Variants in PLA2R1 observed in about 807,000 individuals in gnomAD.
The protein encoded by PLA2R1 is secretory phospholipase A2 receptor.
PLA2R1 carries 158 observed loss-of-function variants against 195.9 expected under a neutral mutation model. That is an observed-to-expected ratio of 0.81 (90% CI 0.71 to 0.92). PLA2R1 has a LOEUF of 0.92. Ranked by LOEUF, PLA2R1 falls within the 40% of genes least tolerant of loss-of-function variation. The pLI is 0.00. For synonymous variants in PLA2R1, 586 were observed against 598.2 expected, an observed-to-expected ratio of 0.98 and a Z score of 0.30; for missense variants, 1,626 against 1,764.6, an observed-to-expected ratio of 0.92 and a Z score of 1.41.
At chr2:160,018,223 C>T (rs139283776) in intron 8 of PLA2R1, among the ~76,000 whole-genome samples, 217 of 152,154 alleles carry the variant, frequency 1.4e-3, no homozygotes, top group African/African-American at 5.0e-3. Flanking sequence ...AAAAAAAAAT[C>T]TCTGTCCAAA....
At chr2:159,955,674 C>T (rs773879703) in intron 22 of PLA2R1, 24 bp downstream of exon 22, 1 of 1,315,714 alleles carries the variant, frequency 7.6e-7, no homozygotes, top group East Asian at 2.7e-5. Flanking sequence ...AAGTGATCTC[C>T]AAAAAATAAA....
intron 1 of PLA2R1, among the ~76,000 whole-genome samples, chr2:160,050,892 G>A (rs1695173174): frequency 6.6e-6 from 1 of 152,104 alleles, no homozygotes; most frequent in Admixed American, 6.5e-5. Context: ...TTTCTCCTGA[G>A]GCCTCTGCAC....
At chr2:160,004,183 C>T (rs952391177) in intron 11 of PLA2R1, among the ~76,000 whole-genome samples, 6 of 152,162 alleles carry the variant, frequency 3.9e-5, no homozygotes, top group African/African-American at 7.2e-5. Flanking sequence ...ATTAGAGCAT[C>T]TACATAATTT....
intron 25 of PLA2R1, 104 bp downstream of exon 25, chr2:159,949,504 G>T: frequency 1.4e-6 from 1 of 734,012 alleles, no homozygotes; most frequent in Non-Finnish European, 2.2e-6. Context: ...TTCTTGAAGA[G>T]AGACTTCTTA....
chr2:159,967,819 T>A, intron 19 of PLA2R1, 141 bp from the exon 20 acceptor site: 1 of 614,790 alleles, frequency 1.6e-6, no homozygotes, highest in Non-Finnish European at 2.5e-6. Flanking sequence ...AAACTACTGA[T>A]CTTAGATTTC....
intron 20 of PLA2R1, among the ~76,000 whole-genome samples, chr2:159,959,935 T>C (rs1688328837): frequency 6.6e-6 from 1 of 152,180 alleles, no homozygotes; most frequent in African/African-American, 2.4e-5. Flanking sequence ...TAACTGCTCT[T>C]ACCTTTCTCA....
In PLA2R1 at chr2:159,936,488, CA is replaced by C. The variant is rs1192052062; in HGVS notation, c.*5289del. 3 of 152,134 alleles carry C rather than the reference CA, an allele frequency of 2.0e-5. No homozygotes were observed. The highest frequency in any genetic ancestry group is 4.4e-5 in the Non-Finnish European group (3 of 68,036). The allele number at this position is 152,134 out of a possible 1,614,324, so 9.4% of individuals were successfully genotyped here. ...AGTATTAAAAACTGCTAGTATAAAT[CA>C]AGGTTCAGCATCAATTCTGTTCTCT... On this transcript the variant is annotated 3_prime_UTR_variant, in exon 30 of 30. Coordinates refer to ENST00000283243, the MANE Select transcript of PLA2R1 (RefSeq NM_007366.5).
rs1171166760 is a variant in PLA2R1, at chr2:159,979,913, T to C, written c.2185A>G (p.Thr729Ala). Residue 729 changes from threonine to alanine, a missense_variant and splice_region_variant, in exon 14 of 30, where the codon ACA becomes GCA. By Grantham distance (58) the Thr-to-Ala change is moderately conservative (BLOSUM62 0). Coordinates refer to ENST00000283243, the MANE Select transcript of PLA2R1 (RefSeq NM_007366.5). The part of the protein sequence containing the change: ...NELLHSKFNW[T>A]EERQFWIGFN... The stretch of plus-strand genomic sequence containing the variant: ...CCAATCCAGAACTGCCTTTCTTCTG[T>C]CCTGTAAAGAGAAGAAACAAAAGCT... The C allele has an allele frequency of 3.2e-6, 5 of 1,583,036 alleles. No individual in the cohort carries two copies. The South Asian group carries it at 5.6e-5, about 18-fold the overall frequency.
chr2:160,040,312 T>C (rs1440610123), intron 3 of PLA2R1, among the ~76,000 whole-genome samples: 7 of 152,218 alleles, frequency 4.6e-5, no homozygotes, highest in Admixed American at 3.9e-4. Context: ...CCCCACATTG[T>C]AGCAGCTAAG....
At chr2:159,945,810 A>G in intron 27 of PLA2R1, 1 of 979,356 alleles carries the variant, frequency 1.0e-6, no homozygotes, top group East Asian at 1.1e-4. Flanking sequence ...AAAGGTAGGC[A>G]TTAATAAAGT....
intron 11 of PLA2R1, among the ~76,000 whole-genome samples, chr2:160,003,073 T>C (rs955907212): frequency 1.3e-5 from 2 of 152,046 alleles, no homozygotes; most frequent in Admixed American, 6.5e-5. Flanking sequence ...GAATGTAGGT[T>C]ATGTTTATTA....
At chr2:159,964,801 C>T (rs1046689355) in intron 20 of PLA2R1, among the ~76,000 whole-genome samples, 27 of 152,046 alleles carry the variant, frequency 1.8e-4, no homozygotes, top group South Asian at 8.3e-4. Flanking sequence ...GAGACCAAGG[C>T]GGGCGGATCA....
rs758419502 is a variant in PLA2R1, at chr2:159,976,142, TACAG to T, written c.2517_2520del (p.Cys840AlafsTer23). On this transcript the variant is annotated frameshift_variant, in exon 17 of 30. Coordinates refer to ENST00000283243, the MANE Select transcript of PLA2R1 (RefSeq NM_007366.5). LOFTEE classifies it high-confidence loss of function. ...GTGAGAAGATCACTGTGCAGCCAGC[TACAG>T]ACAAACTCAAAGTTCAACCATTCTG... is the stretch of plus-strand genomic sequence containing the variant. The T allele has an allele frequency of 6.2e-7, 1 of 1,612,568 alleles. No individual in the cohort carries two copies. The highest frequency in any genetic ancestry group is 1.7e-4 in the Middle Eastern group (1 of 6,056).
intron 1 of PLA2R1, among the ~76,000 whole-genome samples, chr2:160,052,456 A>C (rs2105673239): frequency 6.6e-6 from 1 of 152,310 alleles, no homozygotes; most frequent in South Asian, 2.1e-4. Context: ...TGAATTTTTA[A>C]ACTGAGTTGA....
chr2:160,032,146 C>T (rs1693892435), intron 4 of PLA2R1, among the ~76,000 whole-genome samples: 2 of 152,214 alleles, frequency 1.3e-5, no homozygotes, highest in Admixed American at 1.3e-4. Flanking sequence ...TGCAGAGAAA[C>T]ACAGTTGTCT....
chr2:160,026,643 C>T (rs957326807), intron 6 of PLA2R1, among the ~76,000 whole-genome samples: 8 of 152,128 alleles, frequency 5.3e-5, no homozygotes, highest in East Asian at 3.8e-4. Context: ...TTAACCACAA[C>T]GAGGTGCCTC....
intron 24 of PLA2R1, 114 bp from the exon 25 acceptor site, chr2:159,949,890 T>C: frequency 1.3e-6 from 1 of 756,948 alleles, no homozygotes; most frequent in South Asian, 1.7e-5. Flanking sequence ...CACACCTTTT[T>C]AAAGAGGGGC....
chr2:159,959,135 T>G (rs185044315), intron 20 of PLA2R1, among the ~76,000 whole-genome samples: 5 of 152,360 alleles, frequency 3.3e-5, no homozygotes, highest in African/African-American at 9.6e-5. Flanking sequence ...TCTATTTCCT[T>G]TCATTTTGCC....
chr2:159,991,761 A>G (rs1179001161), intron 11 of PLA2R1, among the ~76,000 whole-genome samples: 1 of 134,172 alleles, frequency 7.5e-6, no homozygotes, highest in African/African-American at 2.8e-5. Flanking sequence ...ATGATTTCCA[A>G]TTTCATCCAT....
Sources: allele counts gnomAD v4.1 joint callset (sites outside exome capture counted in the v4.1 genomes callset), GRCh38; gene constraint gnomAD v4.1.1; transcripts MANE v1.5; gene names NCBI Gene and HGNC (gene_info 2026-07-23, HGNC 2026-07-21).